Variants in MARCHF1 observed in about 807,000 individuals in gnomAD.
The protein encoded by MARCHF1 is membrane associated ring-CH-type finger 1, also known as E3 ubiquitin-protein ligase MARCHF1.
MARCHF1 carries 40 observed loss-of-function variants against 54.2 expected under a neutral mutation model. That is an observed-to-expected ratio of 0.74 (90% CI 0.57 to 0.96). The LOEUF is 0.96. MARCHF1 is among the 40% of genes least tolerant of loss of function. MARCHF1 has a pLI of 0.00. For missense variants in MARCHF1, 586 were observed against 656.5 expected, an observed-to-expected ratio of 0.89 and a Z score of 1.17; for synonymous variants, 236 against 236.3, an observed-to-expected ratio of 1.00 and a Z score of 0.01.
chr4:164,149,172 T>A (rs2110900760), intron 1 of MARCHF1, among the ~76,000 whole-genome samples: 1 of 152,308 alleles, frequency 6.6e-6, no homozygotes, highest in Admixed American at 6.5e-5. Context: ...ACCATAAATT[T>A]CCTGATGCCT....
chr4:163,590,255 TA>T (rs371898817), intron 7 of MARCHF1, among the ~76,000 whole-genome samples: 2,073 of 129,638 alleles, frequency 0.016, 21 homozygotes, highest in African/African-American at 0.035. Context: ...AACTCATCAC[TA>T]AAAAAAAAAA....
At chr4:164,188,920 C>G (rs560979808) in intron 1 of MARCHF1, 1 of 766,290 alleles carries the variant, frequency 1.3e-6, no homozygotes, top group African/African-American at 1.7e-5. Flanking sequence ...ATGCCCAATG[C>G]GAAGCAACCA....
chr4:164,367,673 A>G (rs1426150700), intron 1 of MARCHF1, among the ~76,000 whole-genome samples: 2 of 150,406 alleles, frequency 1.3e-5, no homozygotes, highest in South Asian at 4.2e-4. Flanking sequence ...TCTTTTTCCA[A>G]TTTTCTACAA....
At chr4:163,549,492 C>T (rs905388581) in intron 8 of MARCHF1, among the ~76,000 whole-genome samples, 1 of 152,026 alleles carries the variant, frequency 6.6e-6, no homozygotes, top group African/African-American at 2.4e-5. Flanking sequence ...TCTACACTGC[C>T]GACCCTCTGA....
At chr4:163,552,716 G>A (rs1739146783) in intron 8 of MARCHF1, among the ~76,000 whole-genome samples, 1 of 152,206 alleles carries the variant, frequency 6.6e-6, no homozygotes, top group East Asian at 1.9e-4. Context: ...TATTCTGTCT[G>A]TGATCCAACA....
At chr4:163,922,963 C>T (rs1299672976) in intron 3 of MARCHF1, among the ~76,000 whole-genome samples, 1 of 151,892 alleles carries the variant, frequency 6.6e-6, no homozygotes, top group Non-Finnish European at 1.5e-5. Context: ...TTATCCTAAG[C>T]AAAGCTATAG....
chr4:163,905,754 A>T (rs1338946617), intron 3 of MARCHF1, among the ~76,000 whole-genome samples: 1 of 152,040 alleles, frequency 6.6e-6, no homozygotes, highest in Non-Finnish European at 1.5e-5. Context: ...GACTCTTAAG[A>T]TAATCCTTCA....
intron 3 of MARCHF1, among the ~76,000 whole-genome samples, chr4:163,889,469 G>C (rs545506412): frequency 4.4e-4 from 7 of 15,912 alleles, no homozygotes; most frequent in Non-Finnish European, 3.0e-3. Flanking sequence ...AATGCAATGA[G>C]AGCAGGGAAA....
intron 4 of MARCHF1, among the ~76,000 whole-genome samples, chr4:163,758,173 G>A (rs889106539): frequency 4.6e-5 from 7 of 152,068 alleles, no homozygotes; most frequent in African/African-American, 1.4e-4. Flanking sequence ...GATTTCCTGG[G>A]CCAGTCACTT....
chr4:164,138,461 AGATCACTTCCAAGAAGTAGG>A (rs1441772860), intron 1 of MARCHF1, among the ~76,000 whole-genome samples: 1 of 152,150 alleles, frequency 6.6e-6, no homozygotes, highest in Non-Finnish European at 1.5e-5. Context: ...TTGGAGTTTG[AGATCACTTCCAAGAAGTAGG>A]GCCTGGACTT....
intron 1 of MARCHF1, among the ~76,000 whole-genome samples, chr4:164,168,089 T>C (rs754555601): frequency 6.6e-6 from 1 of 151,930 alleles, no homozygotes; most frequent in Non-Finnish European, 1.5e-5. Flanking sequence ...ACCAAACTGA[T>C]TGAAAAATGG....
intron 1 of MARCHF1, among the ~76,000 whole-genome samples, chr4:164,264,464 C>A (rs1186742773): frequency 1.3e-5 from 2 of 151,408 alleles, no homozygotes; most frequent in African/African-American, 4.9e-5. Context: ...ACAAATGCCC[C>A]TAAACTTAAA....
At chr4:163,720,011 T>G (rs1333133274) in intron 4 of MARCHF1, among the ~76,000 whole-genome samples, 1 of 152,266 alleles carries the variant, frequency 6.6e-6, no homozygotes, top group African/African-American at 2.4e-5. Context: ...TCTTTTGCTG[T>G]GCAGAAGCTC....
intron 1 of MARCHF1, among the ~76,000 whole-genome samples, chr4:164,224,040 A>G (rs1010083579): frequency 1.3e-5 from 2 of 150,400 alleles, no homozygotes; most frequent in Non-Finnish European, 1.5e-5. Flanking sequence ...TCTCTTTTAC[A>G]GCATCTTTCC....
At chr4:164,096,619 G>T (rs1389418550) in intron 2 of MARCHF1, among the ~76,000 whole-genome samples, 1 of 151,680 alleles carries the variant, frequency 6.6e-6, no homozygotes, top group East Asian at 1.9e-4. Context: ...TCTTTGTAAG[G>T]AATATGTAAG....
At chr4:163,536,273 C>T (rs1264551784) in intron 9 of MARCHF1, among the ~76,000 whole-genome samples, 1 of 152,106 alleles carries the variant, frequency 6.6e-6, no homozygotes, top group Non-Finnish European at 1.5e-5. Flanking sequence ...GGACTACATC[C>T]AGCTTTCTCC....
chr4:163,608,942 C>T (rs982475926), intron 7 of MARCHF1, among the ~76,000 whole-genome samples: 3 of 152,034 alleles, frequency 2.0e-5, no homozygotes, highest in Admixed American at 6.6e-5. Context: ...TTTTCTCCTA[C>T]ACAAGATCTT....
At chr4:164,067,693 C>G (rs983380521) in intron 2 of MARCHF1, among the ~76,000 whole-genome samples, 2 of 152,012 alleles carry the variant, frequency 1.3e-5, no homozygotes, top group Admixed American at 1.3e-4. Context: ...GGCCAACTCC[C>G]CAAAAACAAA....
At chr4:163,857,345 C>A (rs570254551) in intron 3 of MARCHF1, among the ~76,000 whole-genome samples, 1 of 152,162 alleles carries the variant, frequency 6.6e-6, no homozygotes, top group Admixed American at 6.5e-5. Flanking sequence ...CTCTGTAGAC[C>A]AGCCTTCTTC....
Sources: gnomAD v4.1 joint callset for allele counts (sites outside exome capture counted in the v4.1 genomes callset) on GRCh38, gnomAD v4.1.1 for gene constraint, MANE v1.5 for transcripts, NCBI Gene and HGNC (gene_info 2026-07-23, HGNC 2026-07-21) for gene names.